The following PLCG2 variants were observed in gnomAD, a reference collection of about 807,000 sequenced individuals.
The protein encoded by PLCG2 is 1-phosphatidylinositol 4,5-bisphosphate phosphodiesterase gamma-2.
A neutral mutation model predicts 175.6 loss-of-function variants in PLCG2; 69 were observed. The observed-to-expected ratio is 0.39, with a 90% CI of 0.32 to 0.48. The LOEUF (loss-of-function observed/expected upper bound fraction) is 0.48, where lower values mean the gene tolerates loss of function less well. PLCG2 is among the 20% of genes least tolerant of loss of function. The pLI is 0.91. For missense variants in PLCG2, 1,798 were observed against 1,650.9 expected (o/e 1.09, Z -1.54); for synonymous variants, 827 against 624.0 (o/e 1.33, Z -4.85).
At chr16:81,941,076 AT>A (rs968554901) in intron 30 of PLCG2, among the ~76,000 whole-genome samples, 1 of 152,172 alleles carries the variant, frequency 6.6e-6, no homozygotes, top group African/African-American at 2.4e-5. Context: ...GTCTTTTGAT[AT>A]TGTTTGGAAA....
chr16:81,746,295 G>T (rs990754812), intron 1 of PLCG2, among the ~76,000 whole-genome samples: 6 of 152,224 alleles, frequency 3.9e-5, no homozygotes, highest in Non-Finnish European at 8.8e-5. Flanking sequence ...CACTGGCAGG[G>T]TGCCTTGAGT....
upstream of PLCG2, among the ~76,000 whole-genome samples, chr16:81,777,458 A>G (rs1910443041): frequency 1.3e-5 from 2 of 149,610 alleles, no homozygotes; most frequent in South Asian, 2.1e-4. Flanking sequence ...AAAAAAAAAA[A>G]GTGAGGCAAA....
At chr16:81,889,024 T>TG (rs1664489865) in intron 9 of PLCG2, 148 bp from the exon 10 acceptor site, 1 of 576,278 alleles carries the variant, frequency 1.7e-6, no homozygotes, top group African/African-American at 1.9e-5. Flanking sequence ...ATGTGCAGAA[T>TG]GAGGCCTCAA....
intron 2 of PLCG2, among the ~76,000 whole-genome samples, chr16:81,803,214 G>T (rs887938071): frequency 2.7e-5 from 4 of 148,308 alleles, no homozygotes; most frequent in Non-Finnish European, 5.9e-5. Flanking sequence ...TGCCTCATGG[G>T]TTCATGCCAT....
chr16:81,931,720 A>G, intron 25 of PLCG2, 66 bp downstream of exon 25: 1 of 1,464,380 alleles, frequency 6.8e-7, no homozygotes, highest in Non-Finnish European at 9.5e-7. Flanking sequence ...CTCAGTTGGG[A>G]CTGTGGGTGG....
At chr16:81,842,194 G>T (rs12600081) in intron 2 of PLCG2, among the ~76,000 whole-genome samples, 14,489 of 152,228 alleles carry the variant, frequency 0.095, 786 homozygotes, top group South Asian at 0.15. Context: ...TCCCTACAAA[G>T]GGAGGCTTTC....
chr16:81,860,854 C>T (rs944425469), intron 5 of PLCG2, among the ~76,000 whole-genome samples: 1 of 151,926 alleles, frequency 6.6e-6, no homozygotes, highest in Non-Finnish European at 1.5e-5. Context: ...TCCTGTAGTC[C>T]CAGCTACTCA....
intron 10 of PLCG2, 118 bp downstream of exon 10, chr16:81,889,391 G>C: frequency 1.6e-6 from 1 of 634,820 alleles, no homozygotes; most frequent in Non-Finnish European, 2.9e-6. Context: ...ATGTTGCCTC[G>C]ACTGACTGGT....
At chr16:81,799,738 G>T (rs139869432) in intron 2 of PLCG2, among the ~76,000 whole-genome samples, 2 of 151,564 alleles carry the variant, frequency 1.3e-5, no homozygotes, top group Non-Finnish European at 2.9e-5. Flanking sequence ...GACTACAGGC[G>T]CCCGCCACCA....
chr16:81,753,542 A>C (rs1909857961), intron 1 of PLCG2, among the ~76,000 whole-genome samples: 1 of 151,438 alleles, frequency 6.6e-6, no homozygotes, highest in Non-Finnish European at 1.5e-5. Flanking sequence ...TATCAGCCTC[A>C]TTAGTAGCTG....
upstream of PLCG2, among the ~76,000 whole-genome samples, chr16:81,778,060 A>C (rs796853590): frequency 1.2e-3 from 66 of 53,994 alleles, 8 homozygotes; most frequent in African/African-American, 4.9e-3. Context: ...AAAAACAAAA[A>C]AAACCAAAAA....
At chr16:81,920,097 C>G (rs142335703) in intron 20 of PLCG2, among the ~76,000 whole-genome samples, 263 of 152,256 alleles carry the variant, frequency 1.7e-3, no homozygotes, top group African/African-American at 5.9e-3. Flanking sequence ...AAGAGGAAGT[C>G]AGCATGGCCG....
chr16:81,929,082 G>T (rs556495312), intron 24 of PLCG2, among the ~76,000 whole-genome samples: 1 of 152,308 alleles, frequency 6.6e-6, no homozygotes, highest in East Asian at 1.9e-4. Flanking sequence ...TGCTCGGCTG[G>T]GGCCCAGGAA....
intron 1 of PLCG2, among the ~76,000 whole-genome samples, chr16:81,744,165 CTTTT>C (rs1185124266): frequency 3.1e-5 from 4 of 127,700 alleles, no homozygotes; most frequent in Non-Finnish European, 6.7e-5. Flanking sequence ...GCCAACTTCC[CTTTT>C]TTTTTTTTTT....
chr16:81,919,965 A>C (rs549409354), intron 20 of PLCG2, among the ~76,000 whole-genome samples: 4 of 152,280 alleles, frequency 2.6e-5, no homozygotes, highest in African/African-American at 9.6e-5. Context: ...AAGGGGTTGA[A>C]GTTTTCAGAG....
chr16:81,753,770 C>G (rs1166669811), intron 1 of PLCG2, among the ~76,000 whole-genome samples: 3 of 152,174 alleles, frequency 2.0e-5, no homozygotes, highest in African/African-American at 7.2e-5. Context: ...GCCACTAATG[C>G]AGATGCCACA....
At chr16:81,920,875 G>T (rs1271598239) in intron 20 of PLCG2, among the ~76,000 whole-genome samples, 1 of 152,182 alleles carries the variant, frequency 6.6e-6, no homozygotes, top group Non-Finnish European at 1.5e-5. Flanking sequence ...AGGAAGTGAT[G>T]TACACAGTGG....
intron 17 of PLCG2, 93 bp from the exon 18 acceptor site, chr16:81,910,427 T>A (rs1355016535): frequency 1.8e-6 from 2 of 1,089,654 alleles, no homozygotes; most frequent in East Asian, 4.8e-5. Context: ...GAAGGTTGTG[T>A]GGCCACATGT....
intron 7 of PLCG2, among the ~76,000 whole-genome samples, chr16:81,878,686 C>T (rs953875721): frequency 5.9e-5 from 9 of 152,090 alleles, no homozygotes; most frequent in South Asian, 2.1e-4. Flanking sequence ...CCATGTGTTG[C>T]GAATCCAGAA....
Sources: allele counts gnomAD v4.1 joint callset (sites outside exome capture counted in the v4.1 genomes callset), GRCh38; gene constraint gnomAD v4.1.1; transcripts MANE v1.5; gene names NCBI Gene and HGNC (gene_info 2026-07-23, HGNC 2026-07-21).